MALRD1: variants seen among roughly 807,000 people sequenced by gnomAD.
MALRD1 encodes the protein MAM and LDL-receptor class A domain-containing protein 1.
MALRD1 carries 247 observed loss-of-function variants against 242.1 expected under a neutral mutation model. That is an observed-to-expected ratio of 1.02 (90% CI 0.92 to 1.13). MALRD1 has a LOEUF of 1.13. Among genes scored for constraint, MALRD1 ranks in the 50% most tolerant of loss-of-function variants. The probability of loss-of-function intolerance (pLI) is 0.00; values close to 1 mark genes in which losing one functional copy is unlikely to be tolerated. For synonymous variants in MALRD1, 995 were observed against 866.6 expected (o/e 1.15, Z -2.60); for missense variants, 2,989 against 2,533.1 (o/e 1.18, Z -3.86).
intron 31 of MALRD1, among the ~76,000 whole-genome samples, chr10:19,525,570 A>G (rs1353217206): frequency 1.3e-5 from 2 of 152,182 alleles, no homozygotes; most frequent in African/African-American, 4.8e-5. Flanking sequence ...TTTAAGGTAA[A>G]AGTTGAATAT....
At chr10:19,373,280 A>T (rs1845468240) in intron 26 of MALRD1, among the ~76,000 whole-genome samples, 1 of 133,998 alleles carries the variant, frequency 7.5e-6, no homozygotes, top group African/African-American at 2.9e-5. Flanking sequence ...GGGCGGACGG[A>T]TCACGAGGTC....
chr10:19,369,473 A>G (rs2130739427), intron 26 of MALRD1, among the ~76,000 whole-genome samples: 1 of 148,460 alleles, frequency 6.7e-6, no homozygotes, highest in Admixed American at 6.8e-5. Flanking sequence ...TAGTTTTTTT[A>G]TATACTCTGG....
chr10:19,371,093 A>T (rs904583552), intron 26 of MALRD1, among the ~76,000 whole-genome samples: 495 of 10,984 alleles, frequency 0.045, 4 homozygotes, highest in African/African-American at 0.18. Context: ...CTACGAAATT[A>T]AAAAAAAAAA....
At chr10:19,427,205 C>G (rs942493094) in intron 28 of MALRD1, among the ~76,000 whole-genome samples, 1 of 152,214 alleles carries the variant, frequency 6.6e-6, no homozygotes, top group East Asian at 1.9e-4. Flanking sequence ...AAATGTCTTA[C>G]CATTTATTGC....
intron 12 of MALRD1, among the ~76,000 whole-genome samples, chr10:19,164,369 C>G (rs1181325159): frequency 6.6e-6 from 1 of 152,136 alleles, no homozygotes; most frequent in Non-Finnish European, 1.5e-5. Context: ...TATATATACA[C>G]TAGAATCTGT....
At chr10:19,584,668 G>C (rs1205865135) in intron 33 of MALRD1, among the ~76,000 whole-genome samples, 21 of 151,784 alleles carry the variant, frequency 1.4e-4, no homozygotes, top group Admixed American at 2.6e-4. Flanking sequence ...TTTGGAATAG[G>C]TGTGGTGTGG....
intron 18 of MALRD1, among the ~76,000 whole-genome samples, chr10:19,244,872 G>C (rs1838972118): frequency 6.6e-6 from 1 of 152,120 alleles, no homozygotes; most frequent in Admixed American, 6.6e-5. Context: ...TATAAATTAA[G>C]AGCAAATACA....
intron 32 of MALRD1, among the ~76,000 whole-genome samples, chr10:19,556,224 C>T (rs1218634857): frequency 6.6e-6 from 1 of 152,170 alleles, no homozygotes; most frequent in African/African-American, 2.4e-5. Flanking sequence ...ACCCAGTTTT[C>T]ATCCATCATT....
chr10:19,622,158 A>T (rs61841440), intron 36 of MALRD1, among the ~76,000 whole-genome samples: 5,212 of 147,510 alleles, frequency 0.035, 119 homozygotes, highest in East Asian at 0.092. Context: ...TACTGGAGGT[A>T]GTCACCAATA....
chr10:19,174,198 G>T (rs753484474), intron 13 of MALRD1, among the ~76,000 whole-genome samples: 2 of 152,112 alleles, frequency 1.3e-5, no homozygotes, highest in Non-Finnish European at 2.9e-5. Flanking sequence ...TTTCATCCAG[G>T]TATAGATAGG....
At chr10:19,121,434 C>T (rs1837061489) in intron 5 of MALRD1, among the ~76,000 whole-genome samples, 1 of 152,006 alleles carries the variant, frequency 6.6e-6, no homozygotes, top group South Asian at 2.1e-4. Flanking sequence ...GACATAGGTT[C>T]AAGAGAGAAT....
intron 26 of MALRD1, among the ~76,000 whole-genome samples, chr10:19,381,067 AC>A (rs1482032138): frequency 7.3e-5 from 5 of 68,140 alleles, no homozygotes; most frequent in South Asian, 6.8e-4. Context: ...CCCTCCCCCC[AC>A]CCCACCACAG....
intron 33 of MALRD1, among the ~76,000 whole-genome samples, chr10:19,570,719 T>C (rs952041384): frequency 1.3e-5 from 2 of 152,066 alleles, no homozygotes; most frequent in African/African-American, 4.8e-5. Context: ...AAACCAATTT[T>C]AATAAGATAT....
chr10:19,365,728 G>A (rs933236238), intron 26 of MALRD1, among the ~76,000 whole-genome samples: 1 of 144,778 alleles, frequency 6.9e-6, no homozygotes, highest in Non-Finnish European at 1.5e-5. Context: ...TCTCTCATTC[G>A]AATCTCTGTT....
At chr10:19,249,927 C>G (rs889013770) in intron 18 of MALRD1, among the ~76,000 whole-genome samples, 3 of 151,642 alleles carry the variant, frequency 2.0e-5, no homozygotes, top group Non-Finnish European at 4.4e-5. Context: ...TACATAGAAA[C>G]ATAAAAATGG....
intron 12 of MALRD1, among the ~76,000 whole-genome samples, chr10:19,158,221 C>A (rs753299322): frequency 1.3e-5 from 2 of 152,156 alleles, no homozygotes; most frequent in Non-Finnish European, 2.9e-5. Flanking sequence ...GTAAGTAACA[C>A]AATCTCTTAC....
intron 2 of MALRD1, among the ~76,000 whole-genome samples, chr10:19,078,381 C>A (rs1835382746): frequency 6.7e-6 from 1 of 149,622 alleles, no homozygotes. Flanking sequence ...ATGTGTTGAA[C>A]CAATTTTGCA....
At position 19,108,416 on chromosome 10, in the gene MALRD1, T is replaced by TGAG. The variant is rs1388342676; in HGVS notation, c.694+4341_694+4342insGAG. Among the ~76,000 whole-genome samples the TGAG allele has an allele frequency of 7.0e-4, 16 of 23,002 alleles. 1 individual carries two copies. Among genetic ancestry groups the TGAG allele is most frequent in the Admixed American group, 1.5e-3 (3 of 1,944 alleles). 15.1% of individuals were successfully genotyped at this position (23,002 alleles called of 152,430 possible). On this transcript the variant is annotated intron_variant, in intron 5 of 39. Coordinates refer to ENST00000454679, the MANE Select transcript of MALRD1 (RefSeq NM_001142308.3). ...TTTTTTTTTTTTTTTTTTTTTTTTT[T>TGAG]TTTTTTTTTAAGACGGAGTCTCGCT...
intron 26 of MALRD1, among the ~76,000 whole-genome samples, chr10:19,369,143 A>AATATT (rs5783670): frequency 0.74 from 105,088 of 142,900 alleles, 38,905 homozygotes; most frequent in African/African-American, 0.79. Context: ...ATTTAAATTT[A>AATATT]ATATTATATA....
Sources: allele counts gnomAD v4.1 joint callset (sites outside exome capture counted in the v4.1 genomes callset), GRCh38; gene constraint gnomAD v4.1.1; transcripts MANE v1.5; gene names NCBI Gene and HGNC (gene_info 2026-07-23, HGNC 2026-07-21).